The following HNRNPM variants were observed in gnomAD, a reference collection of about 807,000 sequenced individuals.
HNRNPM encodes the protein CEA receptor.
In HNRNPM, 11 loss-of-function variants were observed where a neutral mutation model predicts 73.1. The ratio of observed to expected loss-of-function variants is 0.15; its 90% CI spans 0.09 to 0.25. HNRNPM has a LOEUF of 0.25. HNRNPM is among the 10% of genes least tolerant of loss of function. The probability of loss-of-function intolerance (pLI) is 1.00; values close to 1 mark genes in which losing one functional copy is unlikely to be tolerated. For missense variants in HNRNPM, 789 were observed against 1,067.9 expected (o/e 0.74, Z 3.64); for synonymous variants, 407 against 355.2 (o/e 1.15, Z -1.64).
intron 8 of HNRNPM, among the ~76,000 whole-genome samples, chr19:8,468,051 A>C (rs901851220): frequency 7.2e-5 from 11 of 152,114 alleles, no homozygotes; most frequent in Admixed American, 2.0e-4. Flanking sequence ...AGAAAAAAAA[A>C]CATTTTGCTC....
At chr19:8,453,297 C>T (rs1229017253) in intron 1 of HNRNPM, among the ~76,000 whole-genome samples, 3 of 152,082 alleles carry the variant, frequency 2.0e-5, no homozygotes, top group Non-Finnish European at 2.9e-5. Flanking sequence ...TGTGCCACCA[C>T]GCCCAGCTAA....
chr19:8,486,910 A>G (rs1971353368), intron 14 of HNRNPM, 114 bp from the exon 15 acceptor site: 1 of 835,628 alleles, frequency 1.2e-6, no homozygotes, highest in South Asian at 1.3e-5. Context: ...TCTGAAGGGC[A>G]GCCAGCTTCT....
intron 12 of HNRNPM, among the ~76,000 whole-genome samples, chr19:8,477,520 T>G (rs1173941160): frequency 1.3e-5 from 2 of 152,018 alleles, no homozygotes; most frequent in East Asian, 3.9e-4. Context: ...CCGGGCATGA[T>G]GCCGTACACC....
At chr19:8,486,595 C>T (rs1047083818) in intron 14 of HNRNPM, among the ~76,000 whole-genome samples, 190 bp downstream of exon 14, 2 of 152,186 alleles carry the variant, frequency 1.3e-5, no homozygotes, top group Non-Finnish European at 2.9e-5. Flanking sequence ...AGAGCCTGGG[C>T]TTCTCCACTG....
chr19:8,484,797 T>C (rs1011857251), intron 13 of HNRNPM, among the ~76,000 whole-genome samples: 1 of 152,176 alleles, frequency 6.6e-6, no homozygotes, highest in Non-Finnish European at 1.5e-5. Flanking sequence ...AAACTCGGCA[T>C]GTGGAAAGGG....
At chr19:8,480,668 T>TAA (rs774783310) in intron 12 of HNRNPM, among the ~76,000 whole-genome samples, 6 of 137,720 alleles carry the variant, frequency 4.4e-5, no homozygotes, top group African/African-American at 1.3e-4. Context: ...GTCTCAAAAT[T>TAA]AAAAAAAAAA....
chr19:8,476,948 C>T (rs1438608911), intron 12 of HNRNPM, among the ~76,000 whole-genome samples: 2 of 142,556 alleles, frequency 1.4e-5, no homozygotes, highest in African/African-American at 5.2e-5. Flanking sequence ...AGCATGCTGA[C>T]CCATGAGGTC....
At chr19:8,474,026 T>G in intron 11 of HNRNPM, 141 bp from the exon 12 acceptor site, 3 of 637,650 alleles carry the variant, frequency 4.7e-6, no homozygotes, top group Non-Finnish European at 8.1e-6. Context: ...GCTAGCATTT[T>G]TTTTGTTTTT....
intron 15 of HNRNPM, 188 bp from the exon 16 acceptor site, chr19:8,488,503 T>C: frequency 4.2e-6 from 2 of 473,098 alleles, no homozygotes; most frequent in East Asian, 6.2e-5. Flanking sequence ...AGGCTTTTCA[T>C]GGGGCAGGGG....
chr19:8,452,168 T>G (rs1364398937), intron 1 of HNRNPM, among the ~76,000 whole-genome samples: 3 of 152,234 alleles, frequency 2.0e-5, no homozygotes, highest in African/African-American at 7.2e-5. Context: ...CTGTGGAATA[T>G]AGGTTAGACA....
At chr19:8,483,292 G>T in intron 13 of HNRNPM, 81 bp downstream of exon 13, 1 of 1,062,896 alleles carries the variant, frequency 9.4e-7, no homozygotes, top group Non-Finnish European at 1.5e-6. Flanking sequence ...GTGGTGAGAA[G>T]TGCGGGTTCT....
At chr19:8,468,738 G>T (rs1406517885) in intron 8 of HNRNPM, 36 bp from the exon 9 acceptor site, 4 of 1,558,208 alleles carry the variant, frequency 2.6e-6, no homozygotes, top group Non-Finnish European at 3.5e-6. Context: ...CTGCTGCACT[G>T]GATACTGAGA....
At chr19:8,446,026 T>G (rs1968155545) in intron 1 of HNRNPM, among the ~76,000 whole-genome samples, 1 of 152,072 alleles carries the variant, frequency 6.6e-6, no homozygotes. Context: ...TGAAACTCAT[T>G]CATTCTGATT....
chr19:8,476,069 G>T (rs1001809397), intron 12 of HNRNPM, among the ~76,000 whole-genome samples: 1 of 152,154 alleles, frequency 6.6e-6, no homozygotes, highest in Non-Finnish European at 1.5e-5. Flanking sequence ...TGAACTGGCA[G>T]GTGTAATCTC....
intron 10 of HNRNPM, among the ~76,000 whole-genome samples, chr19:8,472,104 G>A (rs1249337617): frequency 1.3e-5 from 2 of 151,224 alleles, no homozygotes; most frequent in African/African-American, 4.9e-5. Flanking sequence ...CCGGGAGGCG[G>A]AGGTTGCAGT....
At chr19:8,480,454 T>A (rs1178185212) in intron 12 of HNRNPM, among the ~76,000 whole-genome samples, 1 of 151,414 alleles carries the variant, frequency 6.6e-6, no homozygotes. Flanking sequence ...ATTACAAGGT[T>A]AGGAGTTTGA....
In HNRNPM at chr19:8,488,678, C is replaced by T. The variant is rs759671753; in HGVS notation, c.2030-13C>T. 11 of 1,604,934 alleles carry T rather than the reference C, an allele frequency of 6.9e-6. No individual in the cohort carries two copies. The highest frequency in any genetic ancestry group is 3.4e-5 in the Admixed American group (2 of 58,438). On this transcript the variant is annotated splice_polypyrimidine_tract_variant and intron_variant, in intron 15 of 15. Transcript: ENST00000325495. Reference sequence around the variant, plus strand: ...GGGACTGAGTGTCGTCTCTTCTTCCCTCCCTGTCCTAGGCCACGTGCTGTA... The same window carrying T: ...GGGACTGAGTGTCGTCTCTTCTTCCTTCCCTGTCCTAGGCCACGTGCTGTA...
chr19:8,460,595 G>T (rs1438374100), intron 2 of HNRNPM, among the ~76,000 whole-genome samples: 1 of 152,204 alleles, frequency 6.6e-6, no homozygotes, highest in African/African-American at 2.4e-5. Context: ...TGTTAAAGTG[G>T]TTATGGCCAT....
At chr19:8,448,361 A>C (rs576301218) in intron 1 of HNRNPM, among the ~76,000 whole-genome samples, 1 of 152,148 alleles carries the variant, frequency 6.6e-6, no homozygotes, top group African/African-American at 2.4e-5. Context: ...GAGTTAGGGT[A>C]TAGTCAGGGA....
Sources: gnomAD v4.1 joint callset for allele counts (sites outside exome capture counted in the v4.1 genomes callset) on GRCh38, gnomAD v4.1.1 for gene constraint, MANE v1.5 for transcripts, NCBI Gene and HGNC (gene_info 2026-07-23, HGNC 2026-07-21) for gene names.